The following PTK2B variants were observed in gnomAD, a reference collection of about 807,000 sequenced individuals.
PTK2B encodes protein-tyrosine kinase 2-beta.
In PTK2B, 71 loss-of-function variants were observed where a neutral mutation model predicts 142.9. The ratio of observed to expected loss-of-function variants is 0.50; its 90% CI spans 0.41 to 0.61. The LOEUF (loss-of-function observed/expected upper bound fraction) is 0.61, where lower values mean the gene tolerates loss of function less well. Ranked by LOEUF, PTK2B falls within the 20% of genes least tolerant of loss-of-function variation. The pLI, the probability that PTK2B is intolerant of heterozygous loss-of-function variation, is 0.00. For missense variants in PTK2B, 1,105 were observed against 1,320.4 expected (o/e 0.84, Z 2.53); for synonymous variants, 519 against 503.4 (o/e 1.03, Z -0.42).
upstream of PTK2B, chr8:27,310,808 T>C (rs1216449848): frequency 6.3e-7 from 1 of 1,592,048 alleles, no homozygotes; most frequent in South Asian, 1.1e-5. Flanking sequence ...TACCCGAAAG[T>C]CGTGGGCAGT....
rs558083697 is a variant in PTK2B, at chr8:27,398,201, G to T, written c.204+413G>T. On this transcript the variant is annotated intron_variant, in intron 2 of 30. Coordinates refer to ENST00000346049, the MANE Select transcript of PTK2B (RefSeq NM_173176.3). Reference sequence around the variant, plus strand: ...ATAGAACAAAACTGGTATAAGCCTTGTGTGCTGAGCATGTACAGGAAGGCA... The same window carrying T: ...ATAGAACAAAACTGGTATAAGCCTTTTGTGCTGAGCATGTACAGGAAGGCA... 9.8e-5 allele frequency among the ~76,000 whole-genome samples: 15 copies of T among 152,344 alleles called. 2 individuals carry two copies. The South Asian group carries it at 2.9e-3, about 29-fold the overall frequency.
intron 2 of PTK2B, among the ~76,000 whole-genome samples, chr8:27,415,466 G>C (rs1809344942): frequency 6.6e-6 from 1 of 152,190 alleles, no homozygotes; most frequent in Admixed American, 6.5e-5. Flanking sequence ...TCTTTCTCCA[G>C]ATAACAATGA....
intron 1 of PTK2B, among the ~76,000 whole-genome samples, chr8:27,375,553 C>T (rs1806614688): frequency 6.6e-6 from 1 of 152,180 alleles, no homozygotes; most frequent in South Asian, 2.1e-4. Context: ...CGAGGAACAT[C>T]CAGGTCCTAG....
intron 5 of PTK2B, among the ~76,000 whole-genome samples, chr8:27,427,713 T>C (rs1476894697): frequency 2.0e-5 from 3 of 152,184 alleles, no homozygotes; most frequent in African/African-American, 7.2e-5. Flanking sequence ...ACATGTTTTC[T>C]GAAGCTGCCG....
At position 27,443,714 on chromosome 8, in the gene PTK2B, A is replaced by G. The variant is rs753200976; in HGVS notation, c.2149-492A>G. 6.8e-4 allele frequency among the ~76,000 whole-genome samples: 103 copies of G among 152,162 alleles called. 1 individual carries two copies. Among genetic ancestry groups the G allele is most frequent in the Non-Finnish European group, 2.9e-4 (20 of 68,018 alleles). On this transcript the variant is annotated intron_variant, in intron 22 of 30. Coordinates refer to ENST00000346049, the MANE Select transcript of PTK2B (RefSeq NM_173176.3). ...TTGGGGGTTCAGGCTTCAACATGCA[A>G]ATTGAAAAGGGGGACAAATATTCAG...
In PTK2B at chr8:27,430,991, A is replaced by G. The variant is rs771583297; in HGVS notation, c.785A>G (p.Gln262Arg). ...NTLAGFANID[Q>R]ETYRCELIQG... is the part of the protein sequence containing the mutation. ...CTCGCCGGCTTCGCCAACATCGACC[A>G]GGAGACCTACCGCTGTGAACTCATT... The change falls in exon 8 of 31, where the codon CAG (glutamine) becomes CGG (arginine). Residue 262 changes from glutamine (Q) to arginine (R), a missense_variant. Transcript: ENST00000346049. 5 of 1,614,018 alleles carry G rather than the reference A, an allele frequency of 3.1e-6. No homozygotes were observed. The highest frequency in any genetic ancestry group is 2.2e-5 in the South Asian group (2 of 91,080).
At chr8:27,334,946 T>C (rs1488212716) in intron 1 of PTK2B, among the ~76,000 whole-genome samples, 2 of 152,198 alleles carry the variant, frequency 1.3e-5, no homozygotes, top group African/African-American at 4.8e-5. Context: ...CTCTAATCTC[T>C]GTGAGTCTTG....
chr8:27,352,822 T>TC (rs1346350421), intron 1 of PTK2B, among the ~76,000 whole-genome samples: 1 of 152,232 alleles, frequency 6.6e-6, no homozygotes, highest in African/African-American at 2.4e-5. Context: ...TTGTGAGGCT[T>TC]CCCTAGCCAT....
At chr8:27,310,653 C>T, upstream of PTK2B, 1 of 909,546 alleles carries the variant, frequency 1.1e-6, no homozygotes, top group Admixed American at 2.9e-5. Flanking sequence ...GCCCTGAGAA[C>T]CTGGGTCGGA....
chr8:27,356,077 A>G (rs1406402443), intron 1 of PTK2B, among the ~76,000 whole-genome samples: 1 of 152,048 alleles, frequency 6.6e-6, no homozygotes, highest in Non-Finnish European at 1.5e-5. Context: ...AACACCTTGG[A>G]GCCGTCTGAG....
At chr8:27,348,997 T>A (rs1804883540) in intron 1 of PTK2B, among the ~76,000 whole-genome samples, 1 of 152,042 alleles carries the variant, frequency 6.6e-6, no homozygotes, top group African/African-American at 2.4e-5. Context: ...CAACACCCCA[T>A]CAGGCATGTT....
chr8:27,326,226 ATGTGTGTGTGTGTGTGTGTG>A (rs4054914), intron 1 of PTK2B, among the ~76,000 whole-genome samples: 1 of 146,694 alleles, frequency 6.8e-6, no homozygotes, highest in Non-Finnish European at 1.5e-5. Flanking sequence ...GCTCGTGTGT[ATGTGTGTGTGTGTGTGTGTG>A]TGTGTGTGTG....
chr8:27,311,149 G>A (rs1411206844), upstream of PTK2B: 1 of 1,606,350 alleles, frequency 6.2e-7, no homozygotes, highest in South Asian at 1.1e-5. Context: ...TGACTGCGTC[G>A]CGGAAGGGGT....
intron 5 of PTK2B, among the ~76,000 whole-genome samples, chr8:27,422,726 A>G (rs1226371403): frequency 6.6e-6 from 1 of 152,188 alleles, no homozygotes; most frequent in Non-Finnish European, 1.5e-5. Flanking sequence ...AATCTGGGGG[A>G]CATTCGAGCC....
At chr8:27,382,406 G>T (rs1807082699) in intron 1 of PTK2B, among the ~76,000 whole-genome samples, 2 of 152,150 alleles carry the variant, frequency 1.3e-5, no homozygotes, top group African/African-American at 2.4e-5. Flanking sequence ...TCTACAGGTT[G>T]CCTGGTCCAC....
intron 30 of PTK2B, among the ~76,000 whole-genome samples, chr8:27,455,874 C>G (rs1350136040): frequency 1.3e-5 from 2 of 152,266 alleles, no homozygotes; most frequent in African/African-American, 2.4e-5. Flanking sequence ...GGTTCTCCGT[C>G]TGGAGCCCTT....
intron 1 of PTK2B, among the ~76,000 whole-genome samples, chr8:27,329,569 C>A (rs1438590262): frequency 1.3e-5 from 2 of 152,072 alleles, no homozygotes; most frequent in Non-Finnish European, 2.9e-5. Context: ...AGGTAAATGG[C>A]CACATTGGGG....
intron 1 of PTK2B, among the ~76,000 whole-genome samples, chr8:27,387,146 T>C (rs778978958): frequency 5.3e-5 from 8 of 151,760 alleles, no homozygotes; most frequent in African/African-American, 1.7e-4. Flanking sequence ...GGAGGGAAGG[T>C]TGGGGGTCAC....
chr8:27,344,603 T>C (rs1586123371), intron 1 of PTK2B, among the ~76,000 whole-genome samples: 1 of 152,310 alleles, frequency 6.6e-6, no homozygotes, highest in East Asian at 1.9e-4. Context: ...GACAGAAATA[T>C]AGATAACTAA....
Sources: allele counts gnomAD v4.1 joint callset (sites outside exome capture counted in the v4.1 genomes callset), GRCh38; gene constraint gnomAD v4.1.1; transcripts MANE v1.5; gene names NCBI Gene and HGNC (gene_info 2026-07-23, HGNC 2026-07-21).